RAB34: variants seen among roughly 807,000 people sequenced by gnomAD.
The protein encoded by RAB34 is ras-related protein Rab-34.
Under a neutral mutation model 39.0 loss-of-function variants are expected in RAB34, and 33 were observed. The ratio of observed to expected loss-of-function variants is 0.85; its 90% confidence interval spans 0.64 to 1.13. The LOEUF is 1.13. Ranked by LOEUF, RAB34 falls within the 50% of genes most tolerant of loss-of-function variation. The probability of loss-of-function intolerance (pLI) is 0.00; values close to 1 mark genes in which losing one functional copy is unlikely to be tolerated. For synonymous variants in RAB34, 135 were observed against 125.1 expected, an observed-to-expected ratio of 1.08 and a Z score of -0.53; for missense variants, 289 against 326.1, an observed-to-expected ratio of 0.89 and a Z score of 0.88.
chr17:28,716,067 C>T lies in RAB34; in HGVS notation c.147-9G>A, dbSNP rs747782557. 6.2e-6 allele frequency: 10 copies of T among 1,613,744 alleles called. No individual in the cohort carries two copies. The highest frequency in any genetic ancestry group is 8.5e-6 in the Non-Finnish European group (10 of 1,180,024). ...CCTTGGAGATCTTAAATCTGCTGGA[C>T]ACAAGAGTGGGCAAGGGGAGTGGGC... is the stretch of plus-strand genomic sequence containing the variant. On this transcript the variant is annotated splice_polypyrimidine_tract_variant and intron_variant, in intron 2 of 9. Coordinates refer to ENST00000395245, the MANE Select transcript of RAB34 (RefSeq NM_031934.6).
At position 28,715,140 on chromosome 17, in the gene RAB34, T is replaced by G. The variant is rs1269044538; in HGVS notation, c.514-18A>C. On this transcript the variant is annotated intron_variant, in intron 7 of 9. Coordinates refer to ENST00000395245, the MANE Select transcript of RAB34 (RefSeq NM_031934.6). ...GCAGGGGTCTGAGGGAAGGCCAGAG[T>G]CAGAGGGGGGCATTCCCTCACCAAG... 1.2e-6 allele frequency: 2 copies of G among 1,613,856 alleles called. No individual in the cohort carries two copies. Among genetic ancestry groups the G allele is most frequent in the Non-Finnish European group, 1.7e-6 (2 of 1,179,840 alleles).
At position 28,715,632 on chromosome 17, in the gene RAB34, G is replaced by T; in HGVS notation, c.379+9C>A. Reference sequence around the variant, plus strand: ...AGACCCACCTACCCCACTTCACCCAGCCCCTTACCTTGAGCTCCTCTATAG... The same window carrying T: ...AGACCCACCTACCCCACTTCACCCATCCCCTTACCTTGAGCTCCTCTATAG... On this transcript the variant is annotated intron_variant, in intron 5 of 9. Transcript: ENST00000395245. The T allele has an allele frequency of 6.2e-7, 1 of 1,614,050 alleles. No individual in the cohort carries two copies. The highest frequency in any genetic ancestry group is 8.5e-7 in the Non-Finnish European group (1 of 1,180,008).
chr17:28,716,600 C>T (rs1289559063), intron 2 of RAB34: 3 of 335,510 alleles, frequency 8.9e-6, no homozygotes, highest in Non-Finnish European at 1.6e-5. Context: ...CACAGCCAGA[C>T]CCCTGCCCTG....
At chr17:28,717,160 C>A in intron 1 of RAB34, 53 bp downstream of exon 1, 1 of 1,555,234 alleles carries the variant, frequency 6.4e-7, no homozygotes, top group Non-Finnish European at 8.7e-7. Flanking sequence ...CCGCCTCCTC[C>A]TCGCCCACAC....
rs1302548970 is a variant in RAB34, at chr17:28,717,536, T to A, written c.-270A>T. 4.2e-6 allele frequency: 6 copies of A among 1,415,322 alleles called. No individual in the cohort carries two copies. Among genetic ancestry groups the A allele is most frequent in the East Asian group, 5.4e-5 (2 of 37,156 alleles). 87.7% of individuals were successfully genotyped at this position (1,415,322 alleles called of 1,614,324 possible). On this transcript the variant is annotated 5_prime_UTR_variant, in exon 1 of 10. Coordinates refer to ENST00000395245, the MANE Select transcript of RAB34 (RefSeq NM_031934.6). Reference sequence around the variant, plus strand: ...GATGACTCTGGGGCGAGGAGACTCTTCGGCCGCCAATTGGGGGCGGGGAGT... The same window carrying A: ...GATGACTCTGGGGCGAGGAGACTCTACGGCCGCCAATTGGGGGCGGGGAGT...
At chr17:28,718,359 G>A (rs1462301059), upstream of RAB34, 1 of 1,081,600 alleles carries the variant, frequency 9.2e-7, no homozygotes, top group East Asian at 2.9e-5. Context: ...GGGTTAGAAT[G>A]AGGTGCCCAC....
In RAB34 at chr17:28,717,857, C is replaced by T. The variant is rs956641432; in HGVS notation, c.-591G>A. 3.0e-6 allele frequency: 4 copies of T among 1,350,972 alleles called. No homozygotes were observed. Among genetic ancestry groups the T allele is most frequent in the African/African-American group, 1.5e-5 (1 of 65,130 alleles). 83.7% of individuals were successfully genotyped at this position (1,350,972 alleles called of 1,614,324 possible). Reference sequence around the variant, plus strand: ...CTCGAGTCCCACTCCGCTCGGGCTCCGCCAACGCTGTAACACGATCCCCGG... The same window carrying T: ...CTCGAGTCCCACTCCGCTCGGGCTCTGCCAACGCTGTAACACGATCCCCGG... On this transcript the variant is annotated 5_prime_UTR_variant, in exon 1 of 10. Transcript: ENST00000395245.
Position 28,714,555 on chromosome 17 carries a change from G to A in RAB34, c.*88C>T. On this transcript the variant is annotated 3_prime_UTR_variant, in exon 10 of 10. Transcript: ENST00000395245. ...CAGCTCTTTGGTCTGGATAAAGTCAGTGCAAATGTCCAGGGGTCAAGCTCT... is the reference window on the plus strand; with the variant it reads ...CAGCTCTTTGGTCTGGATAAAGTCAATGCAAATGTCCAGGGGTCAAGCTCT... 1.2e-6 allele frequency: 2 copies of A among 1,612,652 alleles called. No individual in the cohort carries two copies. The highest frequency in any genetic ancestry group is 1.1e-5 in the South Asian group (1 of 91,018).
chr17:28,715,937 C>T (rs368955511), intron 3 of RAB34, 36 bp from the exon 4 acceptor site: 371 of 1,610,084 alleles, frequency 2.3e-4, no homozygotes, highest in Middle Eastern at 3.3e-4. Context: ...CTGGAGCCAG[C>T]CCACCTGGCT....
chr17:28,714,446 C>T lies in RAB34; in HGVS notation c.*197G>A, dbSNP rs2032987987. On this transcript the variant is annotated 3_prime_UTR_variant, in exon 10 of 10. Transcript: ENST00000395245. ...CAGTCCCCTGAGGAGTAGGGGGCAT[C>T]CAGTCTTTGGCACGGTGCCTGGGGG... is the stretch of plus-strand genomic sequence containing the variant. The T allele has an allele frequency of 2.6e-6, 3 of 1,168,624 alleles. No individual in the cohort carries two copies. In the South Asian group the frequency reaches 3.9e-5, roughly 15 times the overall value. 72.4% of individuals were successfully genotyped at this position (1,168,624 alleles called of 1,614,324 possible).
chr17:28,718,343 G>C (rs1027208551), upstream of RAB34: 1 of 1,321,686 alleles, frequency 7.6e-7, no homozygotes, highest in Non-Finnish European at 1.0e-6. Context: ...TGCGAAGGGG[G>C]TGCCAGGGTT....
intron 2 of RAB34, 50 bp downstream of exon 2, chr17:28,716,853 A>C: frequency 6.3e-7 from 1 of 1,585,248 alleles, no homozygotes; most frequent in Non-Finnish European, 8.6e-7. Context: ...CGCTATGACT[A>C]CAGAGTTTCC....
In RAB34 at chr17:28,715,549, C is replaced by T. The variant is rs1478427701; in HGVS notation, c.380-42G>A. On this transcript the variant is annotated intron_variant, in intron 5 of 9. Coordinates refer to ENST00000395245, the MANE Select transcript of RAB34 (RefSeq NM_031934.6). ...AACAGCCCCAGGTTGACAGGGAAGA[C>T]ACTACTGCTCATTTCCCCAATCCTT... 1.9e-6 allele frequency: 3 copies of T among 1,614,130 alleles called. No individual in the cohort carries two copies. In the South Asian group the frequency reaches 3.3e-5, roughly 18 times the overall value.
At chr17:28,718,079 C>T (rs758457775), upstream of RAB34, 5 of 1,579,000 alleles carry the variant, frequency 3.2e-6, no homozygotes, top group Admixed American at 7.5e-5. Flanking sequence ...GCTGCTCTCC[C>T]CTGCACCTCT....
At chr17:28,715,961 C>T in intron 3 of RAB34, 32 bp downstream of exon 3, 1 of 1,613,772 alleles carries the variant, frequency 6.2e-7, no homozygotes, top group Non-Finnish European at 8.5e-7. Context: ...CTTGGCCCCA[C>T]CCTGCCCAGC....
In RAB34 at chr17:28,717,644, G is replaced by C; in HGVS notation, c.-378C>G. ...TCCTACGATTACGCGGGGCCGGATGGTTCCTACAATAACCCGGGGCCGCGG... is the reference window on the plus strand; with the variant it reads ...TCCTACGATTACGCGGGGCCGGATGCTTCCTACAATAACCCGGGGCCGCGG... On this transcript the variant is annotated 5_prime_UTR_variant, in exon 1 of 10. Coordinates refer to ENST00000395245, the MANE Select transcript of RAB34 (RefSeq NM_031934.6). 7.3e-7 allele frequency: 1 copy of C among 1,373,560 alleles called. No homozygotes were observed. The highest frequency in any genetic ancestry group is 9.4e-7 in the Non-Finnish European group (1 of 1,068,702). 85.1% of individuals were successfully genotyped at this position (1,373,560 alleles called of 1,614,324 possible). A position where few individuals can be genotyped will look rare whatever the true frequency, so the allele number is the denominator to read the frequency against.
In RAB34 at chr17:28,714,749, G is replaced by A. The variant is rs781498932; in HGVS notation, c.713-39C>T. The A allele has an allele frequency of 7.1e-5, 114 of 1,613,942 alleles. 1 individual carries two copies. Among genetic ancestry groups the A allele is most frequent in the Non-Finnish European group, 2.5e-6 (3 of 1,179,978 alleles). On this transcript the variant is annotated intron_variant, in intron 9 of 9. Coordinates refer to ENST00000395245, the MANE Select transcript of RAB34 (RefSeq NM_031934.6). ...GAAAATATGTGAAGCAGGGATTGGAGGCTCACTGTGCCCTCTGCCACCCTC... is the reference window on the plus strand; with the variant it reads ...GAAAATATGTGAAGCAGGGATTGGAAGCTCACTGTGCCCTCTGCCACCCTC...
intron 3 of RAB34, 38 bp from the exon 4 acceptor site, chr17:28,715,939 C>CA: frequency 6.2e-7 from 1 of 1,611,316 alleles, no homozygotes; most frequent in Non-Finnish European, 8.5e-7. Context: ...GGAGCCAGCC[C>CA]ACCTGGCTAG....
rs748393028 is a variant in RAB34 at position 28,714,631 on chromosome 17, T to G, written c.*12A>C. The G allele has an allele frequency of 6.2e-7, 1 of 1,613,984 alleles. No homozygotes were observed. Among genetic ancestry groups the G allele is most frequent in the Non-Finnish European group, 8.5e-7 (1 of 1,179,964 alleles). On this transcript the variant is annotated 3_prime_UTR_variant, in exon 10 of 10. Transcript: ENST00000395245. ...CTAGGGCTGGGCAGTCTCTGAACAGTCTCCTCAGCCCTCATGGGCAACATG... is the reference window on the plus strand; with the variant it reads ...CTAGGGCTGGGCAGTCTCTGAACAGGCTCCTCAGCCCTCATGGGCAACATG...
Sources: allele counts gnomAD v4.1 joint callset, GRCh38; gene constraint gnomAD v4.1.1; transcripts MANE v1.5; gene names NCBI Gene and HGNC (gene_info 2026-07-23, HGNC 2026-07-21).